HEATR3: variants seen among roughly 807,000 people sequenced by gnomAD.
HEATR3 encodes HEAT repeat-containing protein 3.
A neutral mutation model predicts 72.8 loss-of-function variants in HEATR3; 56 were observed. That is an observed-to-expected ratio of 0.77 (90% confidence interval 0.62 to 0.96). HEATR3 has a LOEUF of 0.96. HEATR3 is among the 40% of genes least tolerant of loss of function. HEATR3 has a pLI of 0.00. For missense variants in HEATR3, 747 were observed against 831.4 expected (o/e 0.90, Z 1.25); for synonymous variants, 331 against 318.1 (o/e 1.04, Z -0.43).
At chr16:50,103,922 C>T (rs2037423346) in intron 14 of HEATR3, among the ~76,000 whole-genome samples, 1 of 152,094 alleles carries the variant, frequency 6.6e-6, no homozygotes, top group African/African-American at 2.4e-5. Flanking sequence ...CCCAGCTACT[C>T]AGGAAGCTGA....
chr16:50,103,332 G>T (rs2037409480), intron 14 of HEATR3, among the ~76,000 whole-genome samples: 1 of 152,144 alleles, frequency 6.6e-6, no homozygotes, highest in Non-Finnish European at 1.5e-5. Flanking sequence ...TTTTATCAAA[G>T]GTATAAAGCT....
chr16:50,105,414 A>G lies in HEATR3; in HGVS notation c.*353A>G. 4.6e-6 allele frequency: 1 copy of G among 217,850 alleles called. No homozygotes were observed. The highest frequency in any genetic ancestry group is 5.6e-5 in the South Asian group (1 of 18,004). 13.5% of individuals were successfully genotyped at this position (217,850 alleles called of 1,614,324 possible). A position where few individuals can be genotyped will look rare whatever the true frequency, so the allele number is the denominator to read the frequency against. ...GAGACAGAGGTTGCAGTGAGCTGAG[A>G]TCACGCTACTGCACTCCAGCCTGGG... On this transcript the variant is annotated 3_prime_UTR_variant, in exon 15 of 15. Transcript: ENST00000299192.
In HEATR3 at chr16:50,066,222, A is replaced by G; in HGVS notation, c.91A>G (p.Thr31Ala). The G allele has an allele frequency of 6.3e-7, 1 of 1,574,814 alleles. No homozygotes were observed. The change falls in exon 1 of 15, where the codon ACC becomes GCC. Residue 31 changes from threonine (T) to alanine (A), a missense_variant. Transcript: ENST00000299192. ...CGAGGCGGCTGCGGCGGCGAATGGG[A>G]CCGGAGGCGAGGAGGACGACGGGCC... ...QAEAAAAANGTGGEEDDGPAA... is the reference protein window; with the variant it reads ...QAEAAAAANGAGGEEDDGPAA...
intron 4 of HEATR3, among the ~76,000 whole-genome samples, chr16:50,070,884 C>A (rs377693893): frequency 6.6e-6 from 1 of 152,170 alleles, no homozygotes; most frequent in Non-Finnish European, 1.5e-5. Context: ...TCCTTTCCCC[C>A]GACTTCTTGT....
Position 50,066,106 on chromosome 16 carries a change from G to A in HEATR3, c.-26G>A, listed in dbSNP as rs1267241485. On this transcript the variant is annotated 5_prime_UTR_variant, in exon 1 of 15. Coordinates refer to ENST00000299192, the MANE Select transcript of HEATR3 (RefSeq NM_182922.4). Reference sequence around the variant, plus strand: ...CCTGCTGTTGCCCTCCTCTCTCGGTGGTCTGTCCGCCCAGCGCACGTCACC... The same window carrying A: ...CCTGCTGTTGCCCTCCTCTCTCGGTAGTCTGTCCGCCCAGCGCACGTCACC... 1.3e-6 allele frequency: 2 copies of A among 1,571,980 alleles called. No homozygotes were observed. Among genetic ancestry groups the A allele is most frequent in the Admixed American group, 3.7e-5 (2 of 54,194 alleles).
At chr16:50,080,445 A>G (rs1055574710) in intron 7 of HEATR3, among the ~76,000 whole-genome samples, 1 of 151,486 alleles carries the variant, frequency 6.6e-6, no homozygotes, top group Non-Finnish European at 1.5e-5. Context: ...GGTTCGAGCA[A>G]TTCTCCTGCC....
At chr16:50,075,345 A>G (rs145532914) in intron 5 of HEATR3, among the ~76,000 whole-genome samples, 8 of 151,800 alleles carry the variant, frequency 5.3e-5, no homozygotes, top group African/African-American at 1.9e-4. Flanking sequence ...AGATCTGTAC[A>G]GGATTAGAAA....
intron 2 of HEATR3, 183 bp downstream of exon 2, chr16:50,066,722 C>T (rs978800212): frequency 2.0e-6 from 1 of 506,064 alleles, no homozygotes; most frequent in East Asian, 3.6e-5. Context: ...CGCATCTCAT[C>T]TGTCCACCTG....
rs143573845 is a variant in HEATR3 at position 50,105,032 on chromosome 16, G to A, written c.2014G>A (p.Glu672Lys). 367 of 1,612,468 alleles carry A rather than the reference G, an allele frequency of 2.3e-4. No individual in the cohort carries two copies. The African/African-American group carries it at 3.8e-3, about 17-fold the overall frequency. The change falls in exon 15 of 15, where the codon GAA becomes AAA. Residue 672 changes from glutamate (E) to lysine (K), a missense_variant. Transcript: ENST00000299192. ...MNLRRFIAYQETVEKRLTS is the reference protein window; with the variant it reads ...MNLRRFIAYQKTVEKRLTS ...TTTGCGAAGATTTATTGCTTATCAA[G>A]AAACTGTTGAGAAAAGACTGACTTC...
chr16:50,087,208 C>T (rs2037007462), intron 11 of HEATR3, among the ~76,000 whole-genome samples: 1 of 152,068 alleles, frequency 6.6e-6, no homozygotes, highest in Admixed American at 6.6e-5. Context: ...TGGTAGAATA[C>T]CATCCACACA....
intron 3 of HEATR3, 53 bp from the exon 4 acceptor site, chr16:50,070,125 T>G: frequency 1.2e-6 from 1 of 856,164 alleles, no homozygotes; most frequent in South Asian, 1.7e-5. Context: ...CATTACCCTA[T>G]TTGTTTAATT....
chr16:50,102,623 T>A (rs971594637), intron 14 of HEATR3, among the ~76,000 whole-genome samples, 188 bp downstream of exon 14: 7 of 152,184 alleles, frequency 4.6e-5, no homozygotes, highest in African/African-American at 1.7e-4. Flanking sequence ...TACTGAATCA[T>A]TGAAACTGAA....
At position 50,078,837 on chromosome 16, in the gene HEATR3, A is replaced by G. The variant is rs1029711960; in HGVS notation, c.860A>G (p.Asp287Gly). Residue 287 changes from aspartate to glycine, a missense_variant, in exon 7 of 15, where the codon GAT becomes GGT. Around this residue, in one of 2 missense-constraint regions of HEATR3, gnomAD observed 586 missense variants for 708.8 expected, o/e 0.83. Coordinates refer to ENST00000299192, the MANE Select transcript of HEATR3 (RefSeq NM_182922.4). Reference sequence around the variant, plus strand: ...ATCTTATCTGAAGTTTTGGGAATGGATGCTGGTGAAATGGTTATTCAAATG... The same window carrying G: ...ATCTTATCTGAAGTTTTGGGAATGGGTGCTGGTGAAATGGTTATTCAAATG... ...LKILSEVLGM[D>G]AGEMVIQMKE... The G allele has an allele frequency of 5.6e-6, 9 of 1,614,142 alleles. No individual in the cohort carries two copies. Among genetic ancestry groups the G allele is most frequent in the Non-Finnish European group, 7.6e-6 (9 of 1,180,010 alleles).
Position 50,068,826 on chromosome 16 carries a change from A to G in HEATR3, c.358A>G (p.Thr120Ala), listed in dbSNP as rs1335136461. 5.6e-6 allele frequency: 9 copies of G among 1,614,078 alleles called. No individual in the cohort carries two copies. Among genetic ancestry groups the G allele is most frequent in the Non-Finnish European group, 7.6e-6 (9 of 1,179,952 alleles). ...GGFEVCDDMV[T>A]KDIMTPLVAL... Reference sequence around the variant, plus strand: ...TTTTGAAGTTTGTGATGACATGGTGACTAAGGATATCATGACCCCTCTGGT... The same window carrying G: ...TTTTGAAGTTTGTGATGACATGGTGGCTAAGGATATCATGACCCCTCTGGT... The change falls in exon 3 of 15, where the codon ACT becomes GCT. Residue 120 changes from threonine (T) to alanine (A), a missense_variant. Physicochemically the swap from Thr to Ala is moderately conservative, Grantham distance 58. Coordinates refer to ENST00000299192, the MANE Select transcript of HEATR3 (RefSeq NM_182922.4).
In HEATR3 at chr16:50,066,463, G is replaced by T; in HGVS notation, c.235G>T (p.Asp79Tyr). 7.3e-7 allele frequency: 1 copy of T among 1,362,974 alleles called. No homozygotes were observed. Among genetic ancestry groups the T allele is most frequent in the Non-Finnish European group, 9.4e-7 (1 of 1,065,604 alleles). 84.4% of individuals were successfully genotyped at this position (1,362,974 alleles called of 1,614,324 possible). A position where few individuals can be genotyped will look rare whatever the true frequency, so the allele number is the denominator to read the frequency against. ...RPALPGLARR[D>Y]AVRRLGPLLL... ...GGCACTCCCGGGCCTGGCGCGACGA[G>T]ACGCCGTGCGCCGCCTCGGGCCGCT... is the stretch of plus-strand genomic sequence containing the variant. Residue 79 changes from aspartate to tyrosine, a missense_variant, in exon 2 of 15, where the codon GAC (aspartate) becomes TAC (tyrosine). Asp to Tyr is a radical substitution (Grantham distance 160, BLOSUM62 -3). Transcript: ENST00000299192.
chr16:50,085,715 G>A (rs1464018794), intron 10 of HEATR3, among the ~76,000 whole-genome samples: 2 of 152,096 alleles, frequency 1.3e-5, no homozygotes, highest in Non-Finnish European at 2.9e-5. Context: ...AATGAGTTGT[G>A]TATCAGAGGC....
intron 3 of HEATR3, among the ~76,000 whole-genome samples, chr16:50,069,747 A>G (rs2036570349): frequency 6.6e-6 from 1 of 152,226 alleles, no homozygotes; most frequent in Non-Finnish European, 1.5e-5. Flanking sequence ...GTCAAATGCT[A>G]GGGCCTGAAT....
rs1010614219 is a variant in HEATR3 at position 50,075,569 on chromosome 16, A to G, written c.623-2A>G. ...TCTAAATACTTATTTTTTGCCTCGT[A>G]GCATATTGTTTGCAGACAGTGACTG... is the stretch of plus-strand genomic sequence containing the variant. On this transcript the variant is annotated splice_acceptor_variant, in intron 5 of 14. Coordinates refer to ENST00000299192, the MANE Select transcript of HEATR3 (RefSeq NM_182922.4). LOFTEE classifies it high-confidence loss of function. 6.2e-7 allele frequency: 1 copy of G among 1,610,484 alleles called. No homozygotes were observed. Among genetic ancestry groups the G allele is most frequent in the South Asian group, 1.1e-5 (1 of 90,976 alleles).
At chr16:50,086,632 T>A (rs2036994043) in intron 11 of HEATR3, among the ~76,000 whole-genome samples, 1 of 152,228 alleles carries the variant, frequency 6.6e-6, no homozygotes, top group African/African-American at 2.4e-5. Context: ...CTCATTAAGG[T>A]ATTTGGATAA....
Sources: gnomAD v4.1 joint callset for allele counts (sites outside exome capture counted in the v4.1 genomes callset) on GRCh38, gnomAD v4.1.1 for gene constraint, gnomAD v4.1.1 regional missense constraint, MANE v1.5 for transcripts, NCBI Gene and HGNC (gene_info 2026-07-23, HGNC 2026-07-21) for gene names.